The following ZNF804A variants were observed in gnomAD, a reference collection of about 807,000 sequenced individuals.
ZNF804A encodes zinc finger protein 804A.
A neutral mutation model predicts 16.5 loss-of-function variants in ZNF804A; 2 were observed. The observed-to-expected ratio is 0.12, with a 90% CI of 0.05 to 0.38. The LOEUF is 0.38. Among genes scored for constraint, ZNF804A ranks in the 10% least tolerant of loss-of-function variants. The probability of loss-of-function intolerance (pLI) is 0.99; values close to 1 mark genes in which losing one functional copy is unlikely to be tolerated. For missense variants in ZNF804A, 1,473 were observed against 1,390.7 expected (o/e 1.06, Z -0.94); for synonymous variants, 534 against 489.6 (o/e 1.09, Z -1.20).
At chr2:184,791,125 C>T (rs1240945111) in intron 1 of ZNF804A, among the ~76,000 whole-genome samples, 1 of 151,844 alleles carries the variant, frequency 6.6e-6, no homozygotes, top group Admixed American at 6.6e-5. Context: ...TTTTTTTATC[C>T]AGTTTTCCAC....
rs370441814 is a variant in ZNF804A at position 184,939,026 on chromosome 2, G to C, written c.3630G>C (p.Ter1210TyrextTer4). The C allele has an allele frequency of 9.4e-5, 151 of 1,612,144 alleles. 1 individual carries two copies. The highest frequency in any genetic ancestry group is 5.1e-4 in the East Asian group (23 of 44,848). Residue 1210 changes from the stop codon to tyrosine, a stop_lost, in exon 4 of 4, where the codon TAG (stop) becomes TAC (tyrosine). Coordinates refer to ENST00000302277, the MANE Select transcript of ZNF804A (RefSeq NM_194250.2). ...PTVIPLQPLF[*>Y] is the part of the protein sequence containing the mutation. ...TCATCCCTTTGCAACCTCTCTTCTAGTCATCACCATAATGGGAAAAAAATA... is the reference window on the plus strand; with the variant it reads ...TCATCCCTTTGCAACCTCTCTTCTACTCATCACCATAATGGGAAAAAAATA...
At chr2:184,620,560 A>T (rs1181978228) in intron 1 of ZNF804A, among the ~76,000 whole-genome samples, 2 of 151,820 alleles carry the variant, frequency 1.3e-5, no homozygotes, top group Non-Finnish European at 3.0e-5. Flanking sequence ...ACAGGATATG[A>T]TGATTCTCCC....
At chr2:184,733,530 T>G (rs1693556822) in intron 1 of ZNF804A, among the ~76,000 whole-genome samples, 2 of 152,122 alleles carry the variant, frequency 1.3e-5, no homozygotes, top group African/African-American at 4.8e-5. Context: ...AATGCTGGCC[T>G]CATGGAATGG....
At chr2:184,671,351 C>T (rs544371131) in intron 1 of ZNF804A, among the ~76,000 whole-genome samples, 5 of 152,296 alleles carry the variant, frequency 3.3e-5, no homozygotes, top group African/African-American at 1.2e-4. Context: ...TCATAGAGAA[C>T]TCTAGCCAGG....
chr2:184,704,139 T>A (rs909083517), intron 1 of ZNF804A, among the ~76,000 whole-genome samples: 2 of 145,984 alleles, frequency 1.4e-5, no homozygotes, highest in Non-Finnish European at 3.0e-5. Flanking sequence ...CACTTTCAGA[T>A]TGAGTTTCAG....
chr2:184,932,606 G>A (rs542332252), intron 2 of ZNF804A, among the ~76,000 whole-genome samples: 5 of 152,056 alleles, frequency 3.3e-5, no homozygotes, highest in Admixed American at 2.0e-4. Context: ...ATTTGGGTGG[G>A]GACACAGTCA....
rs140616078 is a variant in ZNF804A, at chr2:184,672,167, G to A, written c.111+73097G>A. ...GGTACTAGAATTTCTGAAACAGCAT[G>A]GGAAGAGCAGAAGTATGAAGATAAA... On this transcript the variant is annotated intron_variant, in intron 1 of 3. Coordinates refer to ENST00000302277, the MANE Select transcript of ZNF804A (RefSeq NM_194250.2). Among the ~76,000 whole-genome samples the A allele has an allele frequency of 2.6e-5, 4 of 152,264 alleles. No individual in the cohort carries two copies. The East Asian group carries it at 5.8e-4, about 22-fold the overall frequency.
chr2:184,625,899 C>A (rs1370853318), intron 1 of ZNF804A, among the ~76,000 whole-genome samples: 1 of 152,060 alleles, frequency 6.6e-6, no homozygotes, highest in Non-Finnish European at 1.5e-5. Flanking sequence ...GACGGAGTCT[C>A]GTGCTGTCGC....
At chr2:184,661,119 T>G (rs1261258175) in intron 1 of ZNF804A, among the ~76,000 whole-genome samples, 3 of 152,216 alleles carry the variant, frequency 2.0e-5, no homozygotes, top group Admixed American at 6.5e-5. Context: ...GAAATTGGCA[T>G]TTAGAAATGT....
At chr2:184,864,026 GT>G (rs1352167072) in intron 1 of ZNF804A, among the ~76,000 whole-genome samples, 1 of 152,126 alleles carries the variant, frequency 6.6e-6, no homozygotes, top group Non-Finnish European at 1.5e-5. Flanking sequence ...AAGTTATTTT[GT>G]GATTTATCAC....
intron 1 of ZNF804A, among the ~76,000 whole-genome samples, chr2:184,760,947 A>G (rs887257977): frequency 6.6e-6 from 1 of 152,176 alleles, no homozygotes; most frequent in African/African-American, 2.4e-5. Context: ...CACATGGCAT[A>G]TCTAACTGTT....
intron 1 of ZNF804A, among the ~76,000 whole-genome samples, chr2:184,751,710 A>G (rs923557781): frequency 6.6e-6 from 1 of 151,818 alleles, no homozygotes; most frequent in Non-Finnish European, 1.5e-5. Flanking sequence ...GGAATTGGAG[A>G]AAACATTTGC....
At chr2:184,857,343 T>C (rs1695704274) in intron 1 of ZNF804A, among the ~76,000 whole-genome samples, 1 of 152,120 alleles carries the variant, frequency 6.6e-6, no homozygotes, top group East Asian at 1.9e-4. Context: ...GAAATAAAGA[T>C]TGATATAATT....
rs542644337 is a variant in ZNF804A, at chr2:184,839,688, A to T, written c.112-26681A>T. ...GTAGCCTCATTATCCTGAGTAATTA[A>T]TTCACGATGTAAGAATACATTTAAT... On this transcript the variant is annotated intron_variant, in intron 1 of 3. Coordinates refer to ENST00000302277, the MANE Select transcript of ZNF804A (RefSeq NM_194250.2). 1.9e-3 allele frequency among the ~76,000 whole-genome samples: 296 copies of T among 152,286 alleles called. 1 individual carries two copies. Among genetic ancestry groups the T allele is most frequent in the African/African-American group, 6.8e-3 (284 of 41,578 alleles).
chr2:184,726,666 C>G (rs1299318997), intron 1 of ZNF804A, among the ~76,000 whole-genome samples: 2 of 151,422 alleles, frequency 1.3e-5, no homozygotes, highest in Non-Finnish European at 3.0e-5. Context: ...AATTGTTCTT[C>G]GTATTAAAAT....
intron 1 of ZNF804A, among the ~76,000 whole-genome samples, chr2:184,671,502 A>T (rs1352925269): frequency 6.6e-6 from 1 of 151,892 alleles, no homozygotes; most frequent in East Asian, 1.9e-4. Context: ...TATTATATGG[A>T]CCTATCTTTT....
intron 1 of ZNF804A, among the ~76,000 whole-genome samples, chr2:184,827,392 A>G (rs1695182735): frequency 6.8e-6 from 1 of 147,892 alleles, no homozygotes; most frequent in African/African-American, 2.5e-5. Flanking sequence ...ACACTCATCC[A>G]TTTAATTATT....
At chr2:184,641,066 T>C (rs1691788976) in intron 1 of ZNF804A, among the ~76,000 whole-genome samples, 1 of 152,178 alleles carries the variant, frequency 6.6e-6, no homozygotes, top group Non-Finnish European at 1.5e-5. Flanking sequence ...GCAATTCTCC[T>C]GCCTCAGCCT....
At chr2:184,792,202 T>C (rs1437756226) in intron 1 of ZNF804A, among the ~76,000 whole-genome samples, 1 of 152,168 alleles carries the variant, frequency 6.6e-6, no homozygotes, top group Non-Finnish European at 1.5e-5. Context: ...TGCTGGATCA[T>C]ATGGTAAGAG....
Sources: allele counts gnomAD v4.1 joint callset (sites outside exome capture counted in the v4.1 genomes callset), GRCh38; gene constraint gnomAD v4.1.1; transcripts MANE v1.5; gene names NCBI Gene and HGNC (gene_info 2026-07-23, HGNC 2026-07-21).